Variants in ISM1 observed in about 807,000 individuals in gnomAD.
ISM1 encodes isthmin 1.
A neutral mutation model predicts 46.3 loss-of-function variants in ISM1; 25 were observed. That is an observed-to-expected ratio of 0.54 (90% CI 0.39 to 0.75). The LOEUF is 0.75. Among genes scored for constraint, ISM1 ranks in the 30% least tolerant of loss-of-function variants. ISM1 has a pLI of 0.00. For missense variants in ISM1, 536 were observed against 625.4 expected (o/e 0.86, Z 1.52); for synonymous variants, 255 against 256.7 (o/e 0.99, Z 0.06).
intron 5 of ISM1, among the ~76,000 whole-genome samples, chr20:13,297,696 G>A (rs2040420357): frequency 6.6e-6 from 1 of 152,202 alleles, no homozygotes; most frequent in Admixed American, 6.5e-5. Context: ...GGAGAATGCA[G>A]GATCAGCATA....
At chr20:13,257,236 C>T (rs1473149894) in intron 1 of ISM1, among the ~76,000 whole-genome samples, 1 of 152,156 alleles carries the variant, frequency 6.6e-6, no homozygotes, top group African/African-American at 2.4e-5. Flanking sequence ...GAGTATCGGC[C>T]AGGCTCGATG....
intron 1 of ISM1, among the ~76,000 whole-genome samples, chr20:13,248,352 T>C (rs185932375): frequency 6.6e-6 from 1 of 152,188 alleles, no homozygotes; most frequent in Non-Finnish European, 1.5e-5. Flanking sequence ...GGAAGAACCA[T>C]GTCACTGGAA....
chr20:13,254,186 T>A (rs1407094093), intron 1 of ISM1, among the ~76,000 whole-genome samples: 1 of 151,494 alleles, frequency 6.6e-6, no homozygotes, highest in East Asian at 1.9e-4. Context: ...TGAGCCAAGA[T>A]CACGTCACTG....
intron 1 of ISM1, among the ~76,000 whole-genome samples, chr20:13,222,912 C>A (rs1483618922): frequency 6.6e-6 from 1 of 152,164 alleles, no homozygotes; most frequent in Non-Finnish European, 1.5e-5. Flanking sequence ...CCTGTGATCC[C>A]AGCACTTTAG....
At chr20:13,294,030 G>A (rs2040381967) in intron 5 of ISM1, among the ~76,000 whole-genome samples, 1 of 152,082 alleles carries the variant, frequency 6.6e-6, no homozygotes, top group African/African-American at 2.4e-5. Context: ...AGTGTCGGGG[G>A]CAGTAGAGAA....
intron 4 of ISM1, 77 bp downstream of exon 4, chr20:13,288,760 G>A (rs2040321170): frequency 2.1e-6 from 3 of 1,409,236 alleles, no homozygotes; most frequent in African/African-American, 2.9e-5. Context: ...TAGTGACATT[G>A]TCTTTTTAAA....
chr20:13,242,476 A>G (rs1273687775), intron 1 of ISM1, among the ~76,000 whole-genome samples: 1 of 152,218 alleles, frequency 6.6e-6, no homozygotes, highest in Non-Finnish European at 1.5e-5. Context: ...GTGGAAAATG[A>G]GAGATTGATT....
chr20:13,325,346 A>G, the ISM1 span, among the ~76,000 whole-genome samples: 1 of 152,226 alleles, frequency 6.6e-6, no homozygotes, highest in African/African-American at 2.4e-5. Context: ...CTCGTGCTTA[A>G]GATGTATTTG....
At chr20:13,288,431 C>A in intron 3 of ISM1, 109 bp from the exon 4 acceptor site, 3 of 1,190,738 alleles carry the variant, frequency 2.5e-6, no homozygotes, top group Non-Finnish European at 3.5e-6. Flanking sequence ...TCCAGCAATC[C>A]CCTCCCACAG....
chr20:13,309,393 C>G, the ISM1 span, among the ~76,000 whole-genome samples: 1 of 152,070 alleles, frequency 6.6e-6, no homozygotes, highest in East Asian at 1.9e-4. Context: ...TAAAAACTCT[C>G]AATGAATTAG....
intron 1 of ISM1, among the ~76,000 whole-genome samples, chr20:13,242,035 C>T (rs2039730625): frequency 6.6e-6 from 1 of 152,102 alleles, no homozygotes; most frequent in Non-Finnish European, 1.5e-5. Flanking sequence ...GAGAAAATGG[C>T]AGTGGCTTGG....
intron 4 of ISM1, among the ~76,000 whole-genome samples, chr20:13,290,262 T>C (rs2040338555): frequency 6.7e-6 from 1 of 148,362 alleles, no homozygotes; most frequent in African/African-American, 2.5e-5. Flanking sequence ...AATAACAATA[T>C]GAGGAGGAGG....
intron 3 of ISM1, among the ~76,000 whole-genome samples, chr20:13,288,041 C>T (rs2040312702): frequency 6.6e-6 from 1 of 152,164 alleles, no homozygotes; most frequent in Non-Finnish European, 1.5e-5. Flanking sequence ...TGTGATGTCC[C>T]ATAATTCACA....
intron 1 of ISM1, among the ~76,000 whole-genome samples, chr20:13,248,656 A>G (rs541602181): frequency 3.3e-4 from 50 of 152,220 alleles, no homozygotes; most frequent in South Asian, 2.7e-3. Flanking sequence ...CTTTCAGTTC[A>G]CTTCTTTTCG....
intron 2 of ISM1, among the ~76,000 whole-genome samples, chr20:13,277,287 A>AC (rs1220319052): frequency 6.6e-6 from 1 of 152,204 alleles, no homozygotes; most frequent in Non-Finnish European, 1.5e-5. Flanking sequence ...AGTGTTGGGC[A>AC]CATTCCCTCT....
chr20:13,221,741 G>A lies in ISM1; in HGVS notation c.-36G>A, dbSNP rs1427032690. The A allele has an allele frequency of 2.2e-6, 3 of 1,356,360 alleles. No homozygotes were observed. The highest frequency in any genetic ancestry group is 1.8e-5 in the South Asian group (1 of 55,730). The allele number at this position is 1,356,360 out of a possible 1,614,324, so 84.0% of individuals were successfully genotyped here. ...GGCGTCACCGCCGCCGCCGCCGGCC[G>A]CCGCGCCGGGTCCTAAAGCCGCGCG... On this transcript the variant is annotated 5_prime_UTR_variant, in exon 1 of 6. Coordinates refer to ENST00000262487, the MANE Select transcript of ISM1 (RefSeq NM_080826.2).
chr20:13,294,641 C>T lies in ISM1; in HGVS notation c.877+2178C>T, dbSNP rs111286569. ...ACACTCAAGTTAGGTAACTGAGGAG[C>T]CTTTGGTGAGGGACTGCTTGCAAAG... On this transcript the variant is annotated intron_variant, in intron 5 of 5. Transcript: ENST00000262487. 7.2e-5 allele frequency among the ~76,000 whole-genome samples: 11 copies of T among 152,150 alleles called. 1 individual carries two copies. The highest frequency in any genetic ancestry group is 2.7e-4 in the African/African-American group (11 of 41,506).
At chr20:13,283,824 C>T (rs992988611) in intron 3 of ISM1, among the ~76,000 whole-genome samples, 3 of 152,204 alleles carry the variant, frequency 2.0e-5, no homozygotes, top group Admixed American at 2.0e-4. Context: ...TCTAACTGGT[C>T]ATAACCCTAT....
intron 1 of ISM1, among the ~76,000 whole-genome samples, chr20:13,263,052 G>C (rs1484343623): frequency 6.6e-6 from 1 of 152,172 alleles, no homozygotes; most frequent in Non-Finnish European, 1.5e-5. Context: ...TCTCAGGGCT[G>C]TCGTCAGAGT....
Sources: allele counts gnomAD v4.1 joint callset (sites outside exome capture counted in the v4.1 genomes callset), GRCh38; gene constraint gnomAD v4.1.1; transcripts MANE v1.5; gene names NCBI Gene and HGNC (gene_info 2026-07-23, HGNC 2026-07-21).